The following PTPRM variants were observed in gnomAD, a reference collection of about 807,000 sequenced individuals.
PTPRM encodes the protein protein tyrosine phosphatase receptor type M, also known as receptor-type tyrosine-protein phosphatase mu.
Under a neutral mutation model 186.7 loss-of-function variants are expected in PTPRM, and 47 were observed. That is an observed-to-expected ratio of 0.25 (90% CI 0.20 to 0.32). The LOEUF is 0.32. Among genes scored for constraint, PTPRM ranks in the 10% least tolerant of loss-of-function variants. The pLI is 1.00. For synonymous variants in PTPRM, 668 were observed against 674.9 expected (o/e 0.99, Z 0.16); for missense variants, 1,494 against 1,865.0 (o/e 0.80, Z 3.66).
chr18:8,073,306 A>G (rs1279363912), intron 8 of PTPRM, among the ~76,000 whole-genome samples: 1 of 152,248 alleles, frequency 6.6e-6, no homozygotes, highest in Non-Finnish European at 1.5e-5. Context: ...TTATCACAAA[A>G]TAGAGTCACT....
chr18:7,995,364 T>C (rs570144699), intron 7 of PTPRM, among the ~76,000 whole-genome samples: 193 of 152,250 alleles, frequency 1.3e-3, no homozygotes, highest in African/African-American at 4.4e-3. Flanking sequence ...AGAATTGAGA[T>C]GGATTCTTCT....
At chr18:8,085,962 C>A in intron 10 of PTPRM, 90 bp downstream of exon 10, 1 of 1,254,722 alleles carries the variant, frequency 8.0e-7, no homozygotes. Context: ...AGCTCGCCCA[C>A]ACTAACATTG....
chr18:8,119,469 T>C (rs1036613937), intron 13 of PTPRM, among the ~76,000 whole-genome samples: 15 of 152,192 alleles, frequency 9.9e-5, no homozygotes, highest in African/African-American at 3.6e-4. Flanking sequence ...ACCAATTATA[T>C]AGCAAGACCA....
At chr18:8,150,838 T>G (rs1452346799) in intron 14 of PTPRM, among the ~76,000 whole-genome samples, 1 of 151,924 alleles carries the variant, frequency 6.6e-6, no homozygotes, top group Non-Finnish European at 1.5e-5. Flanking sequence ...TTTGAGTGGA[T>G]GTGCTATTCC....
intron 2 of PTPRM, among the ~76,000 whole-genome samples, chr18:7,855,190 G>A (rs2047037896): frequency 6.6e-6 from 1 of 152,118 alleles, no homozygotes; most frequent in African/African-American, 2.4e-5. Flanking sequence ...CTCTTACATT[G>A]TTATTATTAG....
chr18:8,072,113 A>G (rs866188215), intron 8 of PTPRM, among the ~76,000 whole-genome samples: 7 of 152,156 alleles, frequency 4.6e-5, no homozygotes, highest in South Asian at 2.1e-4. Context: ...TTTTTCTTCT[A>G]TAGCAATAGG....
intron 7 of PTPRM, among the ~76,000 whole-genome samples, chr18:7,978,582 G>A (rs1194671721): frequency 2.6e-5 from 4 of 152,124 alleles, no homozygotes; most frequent in African/African-American, 7.2e-5. Context: ...GCTAACTTAC[G>A]AGGCGAATGT....
intron 2 of PTPRM, among the ~76,000 whole-genome samples, chr18:7,880,227 A>G (rs1187856205): frequency 6.6e-6 from 1 of 152,140 alleles, no homozygotes; most frequent in African/African-American, 2.4e-5. Context: ...TCAGAGAGTA[A>G]AGGGATGTGC....
chr18:7,860,951 A>G (rs952078969), intron 2 of PTPRM, among the ~76,000 whole-genome samples: 28 of 152,156 alleles, frequency 1.8e-4, no homozygotes, highest in Admixed American at 1.4e-3. Flanking sequence ...CCTTATCCCA[A>G]TTATTTTCTG....
intron 23 of PTPRM, chr18:8,360,969 A>G (rs575221320): frequency 6.6e-6 from 1 of 152,310 alleles, no homozygotes; most frequent in South Asian, 2.1e-4. Flanking sequence ...AACTGGTGGC[A>G]TCATATACTT....
At chr18:7,601,496 G>A (rs548647545) in intron 1 of PTPRM, among the ~76,000 whole-genome samples, 3 of 152,282 alleles carry the variant, frequency 2.0e-5, no homozygotes, top group African/African-American at 4.8e-5. Flanking sequence ...GAGACACCCC[G>A]TTCCGGGCCT....
chr18:8,005,882 TA>T (rs372807643), intron 7 of PTPRM, among the ~76,000 whole-genome samples: 18 of 152,356 alleles, frequency 1.2e-4, no homozygotes, highest in African/African-American at 4.1e-4. Context: ...TTTTCCTGAT[TA>T]AAAATAATTT....
rs190854099 is a variant in PTPRM, at chr18:7,640,347, A to C, written c.73+72456A>C. Among the ~76,000 whole-genome samples the C allele has an allele frequency of 4.3e-4, 66 of 152,288 alleles. 1 individual carries two copies. Among genetic ancestry groups the C allele is most frequent in the African/African-American group, 1.5e-3 (63 of 41,564 alleles). On this transcript the variant is annotated intron_variant, in intron 1 of 32. Coordinates refer to ENST00000580170, the MANE Select transcript of PTPRM (RefSeq NM_001105244.2). ...TAATTTGAAGCAAATAATTATATGA[A>C]AGGAGCTTTAGAGATCATCTTACTG...
chr18:8,148,023 A>G (rs1293871612), intron 14 of PTPRM, among the ~76,000 whole-genome samples: 1 of 152,126 alleles, frequency 6.6e-6, no homozygotes, highest in African/African-American at 2.4e-5. Context: ...AAGCTTTTTA[A>G]TGTGTTGCTG....
chr18:7,946,670 G>A (rs2052544683), intron 5 of PTPRM, among the ~76,000 whole-genome samples: 2 of 152,072 alleles, frequency 1.3e-5, no homozygotes, highest in South Asian at 2.1e-4. Flanking sequence ...CTGTCTATGA[G>A]AACAAATTTA....
chr18:8,350,039 C>T (rs189715491), intron 23 of PTPRM, among the ~76,000 whole-genome samples: 10 of 152,286 alleles, frequency 6.6e-5, no homozygotes, highest in East Asian at 1.9e-4. Context: ...CAGGGCCTGT[C>T]GGGGCAAATC....
chr18:8,170,368 C>T (rs2093380956), intron 14 of PTPRM, among the ~76,000 whole-genome samples: 1 of 152,110 alleles, frequency 6.6e-6, no homozygotes, highest in African/African-American at 2.4e-5. Flanking sequence ...TAGTCAGTTA[C>T]AGTCCTTGCT....
intron 23 of PTPRM, among the ~76,000 whole-genome samples, chr18:8,357,113 A>G (rs1257200693): frequency 6.6e-6 from 1 of 152,226 alleles, no homozygotes; most frequent in Non-Finnish European, 1.5e-5. Flanking sequence ...TAAAGGGGAA[A>G]GATTCAGGAC....
intron 1 of PTPRM, among the ~76,000 whole-genome samples, chr18:7,629,762 AGT>A (rs143170075): frequency 3.3e-5 from 5 of 151,482 alleles, no homozygotes; most frequent in Non-Finnish European, 7.4e-5. Context: ...GTGTGTGTGT[AGT>A]GTGTGTGTGT....
Sources: allele counts gnomAD v4.1 joint callset (sites outside exome capture counted in the v4.1 genomes callset), GRCh38; gene constraint gnomAD v4.1.1; transcripts MANE v1.5; gene names NCBI Gene and HGNC (gene_info 2026-07-23, HGNC 2026-07-21).